CARS1: variants seen among roughly 807,000 people sequenced by gnomAD.
The protein encoded by CARS1 is cysteinyl-tRNA synthetase 1, also known as cysteine--tRNA ligase, cytoplasmic.
A neutral mutation model predicts 106.2 loss-of-function variants in CARS1; 48 were observed. The ratio of observed to expected loss-of-function variants is 0.45; its 90% CI spans 0.36 to 0.57. The LOEUF is 0.57. CARS1 is among the 20% of genes least tolerant of loss of function. CARS1 has a pLI of 0.00. For missense variants in CARS1, 968 were observed against 1,057.2 expected, an observed-to-expected ratio of 0.92 and a Z score of 1.17; for synonymous variants, 409 against 403.4, an observed-to-expected ratio of 1.01 and a Z score of -0.17.
chr11:3,001,327 C>G (rs1171156089), intron 22 of CARS1, 79 bp from the exon 23 acceptor site: 12 of 1,531,742 alleles, frequency 7.8e-6, no homozygotes, highest in Non-Finnish European at 1.1e-5. Flanking sequence ...GCCCTCCCGT[C>G]TCAAAGTGTC....
Position 3,020,230 on chromosome 11 carries a change from G to A in CARS1, c.1256C>T (p.Pro419Leu), listed in dbSNP as rs148334277. Residue 419 changes from proline to leucine, a missense_variant, in exon 11 of 23, where the codon CCT (proline) becomes CTT (leucine). By Grantham distance (98) the Pro-to-Leu change is moderately conservative. Transcript: ENST00000380525. The surrounding 1 kb of genome is among the most constrained non-coding windows in gnomAD (Gnocchi z 4.6). ...SKPGEPSWPC[P>L]WGKGRPGWHI... is the part of the protein sequence containing the mutation. Reference sequence around the variant, plus strand: ...AGGCCACTCGCTCACCTTTCCCCAAGGGCACGGCCAGGACGGTTCTCCGGG... The same window carrying A: ...AGGCCACTCGCTCACCTTTCCCCAAAGGCACGGCCAGGACGGTTCTCCGGG... 11 of 1,604,728 alleles carry A rather than the reference G, an allele frequency of 6.9e-6. No individual in the cohort carries two copies. Among genetic ancestry groups the A allele is most frequent in the Non-Finnish European group, 9.4e-6 (11 of 1,171,410 alleles).
Position 3,039,074 on chromosome 11 carries a change from AG to A in CARS1, c.651+119del. 1 of 653,068 alleles carries A rather than the reference AG, an allele frequency of 1.5e-6. No homozygotes were observed. The highest frequency in any genetic ancestry group is 2.5e-4 in the Middle Eastern group (1 of 3,966). 40.5% of individuals were successfully genotyped at this position (653,068 alleles called of 1,614,324 possible). On this transcript the variant is annotated intron_variant, in intron 6 of 22. Coordinates refer to ENST00000380525, the MANE Select transcript of CARS1 (RefSeq NM_001014437.3). The surrounding 1 kb of genome is among the most constrained non-coding windows in gnomAD (Gnocchi z 5.6). ...CAGCGCCCCTGACGGAACTGGCTTG[AG>A]TAACATACACTTTGTGAAAGCCTGT...
chr11:3,025,923 A>G (rs1289333548), intron 10 of CARS1, among the ~76,000 whole-genome samples: 1 of 152,214 alleles, frequency 6.6e-6, no homozygotes, highest in Non-Finnish European at 1.5e-5. Context: ...AGCAAACACC[A>G]GCCCTGTGAA....
In CARS1 at chr11:3,048,751, G is replaced by A. The variant is rs566394443; in HGVS notation, c.26-750C>T. On this transcript the variant is annotated intron_variant, in intron 1 of 22. Coordinates refer to ENST00000380525, the MANE Select transcript of CARS1 (RefSeq NM_001014437.3). This position sits in a 1 kb window ranked among gnomAD's most constrained non-coding sequence, Gnocchi z 5.1. ...AAGGCCACAGCCTCAGGAGGACTGG[G>A]CCCCCTCAAAGGACCAGCCCAAGAA... Among the ~76,000 whole-genome samples, 2 of 152,154 alleles carry A rather than the reference G, an allele frequency of 1.3e-5. No homozygotes were observed. The highest frequency in any genetic ancestry group is 2.9e-5 in the Non-Finnish European group (2 of 68,012).
intron 7 of CARS1, chr11:3,031,661 A>T (rs867519754): frequency 2.6e-5 from 4 of 152,354 alleles, no homozygotes; most frequent in South Asian, 2.1e-4. Context: ...TGCCCCCTAA[A>T]CTGGAGAGAC....
rs1240519903 is a variant in CARS1 at position 3,038,152 on chromosome 11, C to T, written c.699G>A (p.Gln233=). ...LNETTDPDKK[Q]MLERIQHAVQ... The stretch of plus-strand genomic sequence containing the variant: ...CTGCGTGCTGAATCCGTTCGAGCAT[C>T]TGCTTTTTATCGGGATCCGTGGTCT... Residue 233 remains glutamine, a synonymous_variant, in exon 7 of 23, where the codon CAG becomes CAA. Coordinates refer to ENST00000380525, the MANE Select transcript of CARS1 (RefSeq NM_001014437.3). The surrounding 1 kb of genome is among the most constrained non-coding windows in gnomAD (Gnocchi z 4.0). 1.2e-6 allele frequency: 2 copies of T among 1,614,056 alleles called. No homozygotes were observed. Among genetic ancestry groups the T allele is most frequent in the East Asian group, 2.2e-5 (1 of 44,896 alleles).
intron 7 of CARS1, among the ~76,000 whole-genome samples, chr11:3,032,068 T>C (rs184609884): frequency 1.1e-4 from 8 of 72,646 alleles, no homozygotes; most frequent in South Asian, 6.0e-4. Flanking sequence ...CCCTCCTTCC[T>C]TCCTTCCTTC....
Position 3,020,227 on chromosome 11 carries a change from C to G in CARS1, c.1259G>C (p.Trp420Ser), listed in dbSNP as rs1261822465. 6.2e-7 allele frequency: 1 copy of G among 1,603,922 alleles called. No homozygotes were observed. The highest frequency in any genetic ancestry group is 2.2e-5 in the East Asian group (1 of 44,824). ...TCTAGGCCACTCGCTCACCTTTCCC[C>G]AAGGGCACGGCCAGGACGGTTCTCC... ...KPGEPSWPCP[W>S]GKGRPGWHIE... Residue 420 changes from tryptophan to serine, a missense_variant, in exon 11 of 23, where the codon TGG becomes TCG. Coordinates refer to ENST00000380525, the MANE Select transcript of CARS1 (RefSeq NM_001014437.3). This position sits in a 1 kb window ranked among gnomAD's most constrained non-coding sequence, Gnocchi z 4.6.
At position 3,038,007 on chromosome 11, in the gene CARS1, A is replaced by G. The variant is rs1853901385; in HGVS notation, c.801+43T>C. ...CAGATCAGTCTATGCACGGCCCGACATTTGACCCGAACGGGCTGTCTGGGA... is the reference window on the plus strand; with the variant it reads ...CAGATCAGTCTATGCACGGCCCGACGTTTGACCCGAACGGGCTGTCTGGGA... On this transcript the variant is annotated intron_variant, in intron 7 of 22. Coordinates refer to ENST00000380525, the MANE Select transcript of CARS1 (RefSeq NM_001014437.3). This position sits in a 1 kb window ranked among gnomAD's most constrained non-coding sequence, Gnocchi z 4.0. 1.3e-6 allele frequency: 2 copies of G among 1,591,102 alleles called. No homozygotes were observed. Among genetic ancestry groups the G allele is most frequent in the African/African-American group, 1.3e-5 (1 of 74,318 alleles).
In CARS1 at chr11:3,047,963, C is replaced by T; in HGVS notation, c.64G>A (p.Ala22Thr). The stretch of plus-strand genomic sequence containing the variant: ...TCGTTCAGGGCTTGTGCCCTGGCTG[C>T]CTCGTCACTAATGCTCAGAATGGAC... ...YRSILSISDE[A>T]ARAQALNEHL... is the part of the protein sequence containing the mutation. The change falls in exon 2 of 23, where the codon GCA (alanine) becomes ACA (threonine). Residue 22 changes from alanine to threonine, a missense_variant. Transcript: ENST00000380525. 1.2e-6 allele frequency: 2 copies of T among 1,614,106 alleles called. No homozygotes were observed. The highest frequency in any genetic ancestry group is 2.2e-5 in the South Asian group (2 of 91,086).
In CARS1 at chr11:3,005,453, T is replaced by A. The variant is rs769850172; in HGVS notation, c.2150-20A>T. The A allele has an allele frequency of 2.4e-5, 39 of 1,606,128 alleles. No homozygotes were observed. Among genetic ancestry groups the A allele is most frequent in the Non-Finnish European group, 3.0e-5 (35 of 1,172,884 alleles). On this transcript the variant is annotated intron_variant, in intron 19 of 22. Transcript: ENST00000380525. ...GCAGTCCTGCAAAATAAACTGCGTGTGAGAAGAGTCTGGGCTCTGTGGGCC... is the reference window on the plus strand; with the variant it reads ...GCAGTCCTGCAAAATAAACTGCGTGAGAGAAGAGTCTGGGCTCTGTGGGCC...
rs1391032951 is a variant in CARS1 at position 3,006,442 on chromosome 11, T to C, written c.2149+437A>G. ...GCCTGGGCGACAGAGCGAAACTCTG[T>C]CTCAATAAACAAATAAATAAAAATT... On this transcript the variant is annotated intron_variant, in intron 19 of 22. Coordinates refer to ENST00000380525, the MANE Select transcript of CARS1 (RefSeq NM_001014437.3). 2.0e-5 allele frequency among the ~76,000 whole-genome samples: 3 copies of C among 152,218 alleles called. No individual in the cohort carries two copies. The East Asian group carries it at 5.8e-4, about 29-fold the overall frequency.
At position 3,028,963 on chromosome 11, in the gene CARS1, C is replaced by T. The variant is rs374829685; in HGVS notation, c.1031+33G>A. On this transcript the variant is annotated intron_variant, in intron 9 of 22. Transcript: ENST00000380525. The surrounding 1 kb of genome is among the most constrained non-coding windows in gnomAD (Gnocchi z 4.4). The stretch of plus-strand genomic sequence containing the variant: ...TCCTCCCTGTGCGATGTTCTGCAGC[C>T]CTTCCCTCCCTAGGGAAGGCCCTTG... 1 of 1,457,372 alleles carries T rather than the reference C, an allele frequency of 6.9e-7. No homozygotes were observed. The highest frequency in any genetic ancestry group is 9.6e-7 in the Non-Finnish European group (1 of 1,037,566). The allele number at this position is 1,457,372 out of a possible 1,614,324, so 90.3% of individuals were successfully genotyped here.
chr11:3,042,412 G>A (rs528508707), intron 2 of CARS1, 156 bp from the exon 3 acceptor site: 2 of 580,382 alleles, frequency 3.4e-6, no homozygotes, highest in African/African-American at 1.9e-5. Flanking sequence ...ACATTACGCA[G>A]GTCAAAGACA....
Position 3,020,517 on chromosome 11 carries a change from T to C in CARS1, c.1154-185A>G, listed in dbSNP as rs576217531. 6.6e-6 allele frequency among the ~76,000 whole-genome samples: 1 copy of C among 152,352 alleles called. No individual in the cohort carries two copies. The highest frequency in any genetic ancestry group is 1.9e-4 in the East Asian group (1 of 5,180). Reference sequence around the variant, plus strand: ...CAGATTCTGGTGTTGACCCAGTGTCTAGATTTACAAAACGGTACATAATCC... The same window carrying C: ...CAGATTCTGGTGTTGACCCAGTGTCCAGATTTACAAAACGGTACATAATCC... On this transcript the variant is annotated intron_variant, in intron 10 of 22. Coordinates refer to ENST00000380525, the MANE Select transcript of CARS1 (RefSeq NM_001014437.3). This position sits in a 1 kb window ranked among gnomAD's most constrained non-coding sequence, Gnocchi z 4.6.
intron 7 of CARS1, among the ~76,000 whole-genome samples, chr11:3,035,841 G>T (rs927161599): frequency 2.0e-5 from 3 of 152,204 alleles, no homozygotes; most frequent in African/African-American, 7.2e-5. Flanking sequence ...TAGAAGGTCT[G>T]TGTCTGCCAC....
Position 3,040,176 on chromosome 11 carries a change from T to C in CARS1, c.456-245A>G. 3 of 436,462 alleles carry C rather than the reference T, an allele frequency of 6.9e-6. No homozygotes were observed. Among genetic ancestry groups the C allele is most frequent in the Non-Finnish European group, 1.2e-5 (3 of 246,672 alleles). 27.0% of individuals were successfully genotyped at this position (436,462 alleles called of 1,614,324 possible). A position where few individuals can be genotyped will look rare whatever the true frequency, so the allele number is the denominator to read the frequency against. On this transcript the variant is annotated intron_variant, in intron 4 of 22. Transcript: ENST00000380525. The surrounding 1 kb of genome is among the most constrained non-coding windows in gnomAD (Gnocchi z 5.8). ...ATATTGCCTCTCCCTTATGATTTTC[T>C]TCATAATATTTTCTTTTCTCTGGCT...
Position 3,001,171 on chromosome 11 carries a change from A to G in CARS1, c.2439T>C (p.Ala813=). The stretch of plus-strand genomic sequence containing the variant: ...GATATTCCTTGTAGAGCTTCTCCTG[A>G]GCCTCGAAGAGCTTCTTCAGCTTCT... ...QAKKLKKLFE[A]QEKLYKEYLQ... The change falls in exon 23 of 23, where the codon GCT becomes GCC. Residue 813 remains alanine, a synonymous_variant. Coordinates refer to ENST00000380525, the MANE Select transcript of CARS1 (RefSeq NM_001014437.3). 6.2e-7 allele frequency: 1 copy of G among 1,614,084 alleles called. No individual in the cohort carries two copies. The highest frequency in any genetic ancestry group is 8.5e-7 in the Non-Finnish European group (1 of 1,180,030).
At chr11:3,005,339 C>T (rs376695755) in intron 20 of CARS1, 27 bp downstream of exon 20, 34 of 1,537,974 alleles carry the variant, frequency 2.2e-5, no homozygotes, top group South Asian at 1.1e-4. Context: ...ACAAATATCA[C>T]GCTTAAGTCA....
Sources: gnomAD v4.1 joint callset for allele counts (sites outside exome capture counted in the v4.1 genomes callset) on GRCh38, gnomAD v4.1.1 for gene constraint, Gnocchi (gnomAD v3.1) non-coding constraint, MANE v1.5 for transcripts, NCBI Gene and HGNC (gene_info 2026-07-23, HGNC 2026-07-21) for gene names.